The following ASXL1 variants were observed in gnomAD, a reference collection of about 807,000 sequenced individuals.
The protein encoded by ASXL1 is ASXL transcriptional regulator 1.
ASXL1 carries 65 observed loss-of-function variants against 89.1 expected under a neutral mutation model. The ratio of observed to expected loss-of-function variants is 0.73; its 90% CI spans 0.60 to 0.90. ASXL1 has a LOEUF of 0.90. ASXL1 is among the 40% of genes least tolerant of loss of function. ASXL1 has a pLI of 0.00. For synonymous variants in ASXL1, 739 were observed against 746.9 expected (o/e 0.99, Z 0.17); for missense variants, 1,786 against 1,942.9 (o/e 0.92, Z 1.52).
At chr20:32,397,677 G>C (rs979451435) in intron 4 of ASXL1, among the ~76,000 whole-genome samples, 12 of 151,170 alleles carry the variant, frequency 7.9e-5, no homozygotes, top group African/African-American at 3.0e-4. Flanking sequence ...GGAATTGCAG[G>C]CGTGAGCCAC....
chr20:32,425,215 A>G (rs2011241066), intron 4 of ASXL1, among the ~76,000 whole-genome samples: 1 of 152,210 alleles, frequency 6.6e-6, no homozygotes. Context: ...TTGTTGCTGT[A>G]TAATCATCCA....
chr20:32,397,250 C>CT (rs71187116), intron 4 of ASXL1, among the ~76,000 whole-genome samples: 128 of 6,986 alleles, frequency 0.018, 26 homozygotes, highest in Admixed American at 0.037. Context: ...CCATGCCTGG[C>CT]TTTTTTTTTT....
At chr20:32,362,384 C>T (rs1025913979) in intron 1 of ASXL1, among the ~76,000 whole-genome samples, 2 of 152,220 alleles carry the variant, frequency 1.3e-5, no homozygotes, top group Non-Finnish European at 2.9e-5. Context: ...CGCCTGTAAT[C>T]CCAGCACTTT....
chr20:32,429,715 C>A lies in ASXL1; in HGVS notation c.566-186C>A. On this transcript the variant is annotated intron_variant, in intron 7 of 12. Coordinates refer to ENST00000375687, the MANE Select transcript of ASXL1 (RefSeq NM_015338.6). The surrounding 1 kb of genome is among the most constrained non-coding windows in gnomAD (Gnocchi z 4.9). ...TATACAAATAAAGATGGCAGTTTGG[C>A]ACCTGTAAGGTGATATTTTAAAGCC... is the stretch of plus-strand genomic sequence containing the variant. 1 of 830,340 alleles carries A rather than the reference C, an allele frequency of 1.2e-6. No homozygotes were observed. Among genetic ancestry groups the A allele is most frequent in the Non-Finnish European group, 1.9e-6 (1 of 539,952 alleles). The allele number at this position is 830,340 out of a possible 1,614,324, so 51.4% of individuals were successfully genotyped here. A position where few individuals can be genotyped will look rare whatever the true frequency, so the allele number is the denominator to read the frequency against.
At chr20:32,379,032 T>C (rs1052424601) in intron 4 of ASXL1, among the ~76,000 whole-genome samples, 1 of 151,268 alleles carries the variant, frequency 6.6e-6, no homozygotes, top group Non-Finnish European at 1.5e-5. Context: ...CTCGGGAGGC[T>C]GAGGCAGGAG....
intron 4 of ASXL1, 70 bp from the exon 5 acceptor site, chr20:32,428,058 T>G: frequency 6.2e-7 from 1 of 1,602,568 alleles, no homozygotes; most frequent in African/African-American, 1.3e-5. Flanking sequence ...GCATACACAT[T>G]TAGGAATGAC....
intron 4 of ASXL1, among the ~76,000 whole-genome samples, chr20:32,395,830 A>G (rs1240007191): frequency 6.6e-6 from 1 of 152,058 alleles, no homozygotes; most frequent in Non-Finnish European, 1.5e-5. Flanking sequence ...ACGGAGTCTC[A>G]TTCTGTCACC....
chr20:32,400,054 G>C (rs1413335778), intron 4 of ASXL1, among the ~76,000 whole-genome samples: 1 of 151,426 alleles, frequency 6.6e-6, no homozygotes, highest in Non-Finnish European at 1.5e-5. Context: ...GAGCCACCAT[G>C]CCCGGCCATA....
Position 32,432,962 on chromosome 20 carries a change from C to A in ASXL1, c.1062C>A (p.Phe354Leu). The A allele has an allele frequency of 6.2e-7, 1 of 1,613,900 alleles. No individual in the cohort carries two copies. Among genetic ancestry groups the A allele is most frequent in the Non-Finnish European group, 8.5e-7 (1 of 1,180,016 alleles). The part of the protein sequence containing the change: ...EKKVEQWKEK[F>L]FEDYYGQKLG... ...AGGTGGAACAATGGAAAGAAAAGTTCTTTGAAGACTACTATGGACAGAAGT... is the reference window on the plus strand; with the variant it reads ...AGGTGGAACAATGGAAAGAAAAGTTATTTGAAGACTACTATGGACAGAAGT... The change falls in exon 11 of 13, where the codon TTC becomes TTA. Residue 354 changes from phenylalanine to leucine, a missense_variant. Phe to Leu is a conservative substitution (Grantham distance 22). Coordinates refer to ENST00000375687, the MANE Select transcript of ASXL1 (RefSeq NM_015338.6).
chr20:32,367,823 C>G (rs2048231954), intron 3 of ASXL1, 94 bp downstream of exon 3: 1 of 774,288 alleles, frequency 1.3e-6, no homozygotes, highest in Non-Finnish European at 2.4e-6. Flanking sequence ...CATGATGGCT[C>G]ATGATGAGTG....
intron 4 of ASXL1, among the ~76,000 whole-genome samples, chr20:32,404,551 GA>G (rs2048924372): frequency 6.6e-6 from 1 of 152,058 alleles, no homozygotes; most frequent in African/African-American, 2.4e-5. Context: ...GAATCTTTGG[GA>G]TTTTCTCTGT....
At chr20:32,378,299 C>A (rs1045599196) in intron 4 of ASXL1, among the ~76,000 whole-genome samples, 1 of 151,778 alleles carries the variant, frequency 6.6e-6, no homozygotes, top group Admixed American at 6.6e-5. Flanking sequence ...GGATTATAGG[C>A]GTGAACCACC....
intron 4 of ASXL1, among the ~76,000 whole-genome samples, chr20:32,393,535 G>C (rs767156651): frequency 6.6e-6 from 1 of 151,994 alleles, no homozygotes; most frequent in African/African-American, 2.4e-5. Context: ...GCAGTGGCAC[G>C]ATCTCAGCTC....
rs1279770197 is a variant in ASXL1 at position 32,433,886 on chromosome 20, C to T, written c.1688C>T (p.Thr563Ile). 1 of 1,613,492 alleles carries T rather than the reference C, an allele frequency of 6.2e-7. No homozygotes were observed. The highest frequency in any genetic ancestry group is 8.5e-7 in the Non-Finnish European group (1 of 1,180,062). Reference protein sequence around the residue: ...ESVHTEKPQPTKEEPKVPPIR... With the variant: ...ESVHTEKPQPIKEEPKVPPIR... ...GTTCACACCGAAAAGCCACAGCCCA[C>T]TAAAGAGGAGCCCAAAGTCCCGCCC... The change falls in exon 12 of 13, where the codon ACT becomes ATT. Residue 563 changes from threonine to isoleucine, a missense_variant. Around this residue, in one of 3 missense-constraint regions of ASXL1, gnomAD observed 1,418 missense variants for 1,427.8 expected, o/e 0.99. Transcript: ENST00000375687.
chr20:32,438,577 G>A lies in ASXL1; in HGVS notation c.*1239G>A, dbSNP rs112187626. ...CCTGCCCACATGCCACCGAGCAAAC[G>A]CATCTTGCTTTTCACATCTCTCCTC... is the stretch of plus-strand genomic sequence containing the variant. On this transcript the variant is annotated 3_prime_UTR_variant, in exon 13 of 13. Transcript: ENST00000375687. The A allele has an allele frequency of 1.5e-3, 346 of 233,582 alleles. 1 individual carries two copies. The highest frequency in any genetic ancestry group is 7.2e-3 in the African/African-American group (329 of 45,470). The allele number at this position is 233,582 out of a possible 1,614,324, so 14.5% of individuals were successfully genotyped here.
Position 32,436,605 on chromosome 20 carries a change from C to T in ASXL1, c.3893C>T (p.Thr1298Ile), listed in dbSNP as rs778027986. Residue 1298 changes from threonine (T) to isoleucine (I), a missense_variant, in exon 13 of 13, where the codon ACA becomes ATA. Transcript: ENST00000375687. The part of the protein sequence containing the change: ...GRALGDQSNV[T>I]GQGKKLFGSG... ...GCCCTGGGTGATCAGAGCAATGTTA[C>T]AGGCCAAGGGAAGAAGCTTTTTGGC... 17 of 1,614,176 alleles carry T rather than the reference C, an allele frequency of 1.1e-5. No individual in the cohort carries two copies. Among genetic ancestry groups the T allele is most frequent in the Non-Finnish European group, 1.4e-5 (17 of 1,180,044 alleles).
intron 4 of ASXL1, among the ~76,000 whole-genome samples, chr20:32,420,251 A>G (rs919785662): frequency 6.6e-6 from 1 of 152,158 alleles, no homozygotes; most frequent in African/African-American, 2.4e-5. Flanking sequence ...ACAGCCTTCA[A>G]GTCAGCCTTC....
chr20:32,431,282 T>G lies in ASXL1; in HGVS notation c.719-39T>G, dbSNP rs772253887. 3.7e-6 allele frequency: 6 copies of G among 1,613,958 alleles called. No individual in the cohort carries two copies. The African/African-American group carries it at 8.0e-5, about 22-fold the overall frequency. On this transcript the variant is annotated intron_variant, in intron 8 of 12. Coordinates refer to ENST00000375687, the MANE Select transcript of ASXL1 (RefSeq NM_015338.6). ...ATCAGTTGGCATTTGTTTTTTCTTT[T>G]AAAAAGCTGAAATCTATACCTTGCT...
rs560846632 is a variant in ASXL1, at chr20:32,420,903, G to T, written c.253-7225G>T. Reference sequence around the variant, plus strand: ...CTCATGCAGCCATAAAAAAGAATGAGTTCATGCCCTTTGCAGGGACGTGGA... The same window carrying T: ...CTCATGCAGCCATAAAAAAGAATGATTTCATGCCCTTTGCAGGGACGTGGA... On this transcript the variant is annotated intron_variant, in intron 4 of 12. Transcript: ENST00000375687. Among the ~76,000 whole-genome samples, 11 of 152,234 alleles carry T rather than the reference G, an allele frequency of 7.2e-5. No homozygotes were observed. In the East Asian group the frequency reaches 2.1e-3, roughly 29 times the overall value.
Sources: gnomAD v4.1 joint callset for allele counts (sites outside exome capture counted in the v4.1 genomes callset) on GRCh38, gnomAD v4.1.1 for gene constraint, gnomAD v4.1.1 regional missense constraint, Gnocchi (gnomAD v3.1) non-coding constraint, MANE v1.5 for transcripts, NCBI Gene and HGNC (gene_info 2026-07-23, HGNC 2026-07-21) for gene names.